The following RAP1GDS1 variants were observed in gnomAD, a reference collection of about 807,000 sequenced individuals.
RAP1GDS1 encodes RAP1, GTP-GDP dissociation stimulator 1.
A neutral mutation model predicts 71.1 loss-of-function variants in RAP1GDS1; 35 were observed. The observed-to-expected ratio is 0.49, with a 90% CI of 0.38 to 0.65. RAP1GDS1 has a LOEUF of 0.65. RAP1GDS1 is among the 30% of genes least tolerant of loss of function. The pLI is 0.00. For missense variants in RAP1GDS1, 663 were observed against 706.1 expected (o/e 0.94, Z 0.69); for synonymous variants, 229 against 243.1 (o/e 0.94, Z 0.54).
intron 5 of RAP1GDS1, among the ~76,000 whole-genome samples, chr4:98,382,359 AT>A (rs1257326890): frequency 2.6e-5 from 4 of 151,638 alleles, no homozygotes; most frequent in Admixed American, 2.0e-4. Flanking sequence ...TTTGGAAAAA[AT>A]ATACATGTTT....
chr4:98,441,299 C>T lies in RAP1GDS1; in HGVS notation c.1697-691C>T, dbSNP rs1193642808. On this transcript the variant is annotated intron_variant, in intron 14 of 14. Coordinates refer to ENST00000408927, the MANE Select transcript of RAP1GDS1 (RefSeq NM_001100427.2). ...CAGTTCTCAGAGTCCTAACAGGAATCCTATATTTTCTTGTAATTGAAGTTA... is the reference window on the plus strand; with the variant it reads ...CAGTTCTCAGAGTCCTAACAGGAATTCTATATTTTCTTGTAATTGAAGTTA... 1.1e-5 allele frequency: 11 copies of T among 959,822 alleles called. No individual in the cohort carries two copies. The African/African-American group carries it at 1.9e-4, about 17-fold the overall frequency. The allele number at this position is 959,822 out of a possible 1,614,324, so 59.5% of individuals were successfully genotyped here.
rs79163969 is a variant in RAP1GDS1, at chr4:98,440,243, T to C, written c.1697-1747T>C. 7.3e-3 allele frequency among the ~76,000 whole-genome samples: 1,117 copies of C among 152,320 alleles called. 19 individuals carry two copies. The highest frequency in any genetic ancestry group is 0.026 in the African/African-American group (1,076 of 41,570). The stretch of plus-strand genomic sequence containing the variant: ...TATCCATTCATCAATCCATGGACAT[T>C]TGGGCCATTTCCACCTTTTGGCTTT... On this transcript the variant is annotated intron_variant, in intron 14 of 14. Coordinates refer to ENST00000408927, the MANE Select transcript of RAP1GDS1 (RefSeq NM_001100427.2).
Position 98,329,510 on chromosome 4 carries a change from C to T in RAP1GDS1, c.113-13629C>T, listed in dbSNP as rs924995844. ...CTGCATTTAAAAGGACCCATTAGGG[C>T]AAGGTGTGGTGGCTCATGCCTGTAA... is the stretch of plus-strand genomic sequence containing the variant. On this transcript the variant is annotated intron_variant, in intron 2 of 14. Transcript: ENST00000408927. Among the ~76,000 whole-genome samples the T allele has an allele frequency of 8.5e-5, 13 of 152,132 alleles. No individual in the cohort carries two copies. In the South Asian group the frequency reaches 1.4e-3, roughly 17 times the overall value.
At chr4:98,279,821 A>G (rs567475615) in intron 1 of RAP1GDS1, among the ~76,000 whole-genome samples, 3 of 151,918 alleles carry the variant, frequency 2.0e-5, no homozygotes, top group Non-Finnish European at 2.9e-5. Context: ...AAGTGTTCTC[A>G]TTGTTCAGTT....
intron 2 of RAP1GDS1, chr4:98,297,066 C>G (rs1291003147): frequency 1.2e-5 from 2 of 166,832 alleles, no homozygotes; most frequent in Non-Finnish European, 2.6e-5. Context: ...GATGGCAATT[C>G]CCATTTCATA....
chr4:98,275,642 A>G (rs960389463), intron 1 of RAP1GDS1, among the ~76,000 whole-genome samples: 16 of 152,152 alleles, frequency 1.1e-4, no homozygotes, highest in East Asian at 1.9e-4. Flanking sequence ...TACGTAGGCA[A>G]TGGGCTGTAG....
At position 98,360,534 on chromosome 4, in the gene RAP1GDS1, T is replaced by C. The variant is rs531144825; in HGVS notation, c.361+7933T>C. On this transcript the variant is annotated intron_variant, in intron 4 of 14. Coordinates refer to ENST00000408927, the MANE Select transcript of RAP1GDS1 (RefSeq NM_001100427.2). ...ACCTTTACCACTCTCATTTCACCTGTTAAAGTCAAAGTTTAGATATGTGAA... is the reference window on the plus strand; with the variant it reads ...ACCTTTACCACTCTCATTTCACCTGCTAAAGTCAAAGTTTAGATATGTGAA... Among the ~76,000 whole-genome samples the C allele has an allele frequency of 5.9e-5, 9 of 152,326 alleles. No individual in the cohort carries two copies. The South Asian group carries it at 1.9e-3, about 32-fold the overall frequency.
rs1244752638 is a variant in RAP1GDS1 at position 98,404,586 on chromosome 4, T to C, written c.747T>C (p.Ala249=). 1 of 1,601,084 alleles carries C rather than the reference T, an allele frequency of 6.2e-7. No homozygotes were observed. The highest frequency in any genetic ancestry group is 8.5e-7 in the Non-Finnish European group (1 of 1,175,636). The change falls in exon 7 of 15, where the codon GCT becomes GCC. Residue 249 remains alanine (A), a synonymous_variant. Transcript: ENST00000408927. Reference sequence around the variant, plus strand: ...GAGAAATGATTTTTGAAGTTCTTGCTCCATTGGCAGAAAATGGTGAGAAAC... The same window carrying C: ...GAGAAATGATTTTTGAAGTTCTTGCCCCATTGGCAGAAAATGGTGAGAAAC... ...DKREMIFEVL[A]PLAENDAIKL...
chr4:98,435,988 G>A (rs575690143), intron 13 of RAP1GDS1, among the ~76,000 whole-genome samples: 5 of 151,358 alleles, frequency 3.3e-5, no homozygotes, highest in South Asian at 4.2e-4. Context: ...GGAGAATGGC[G>A]TGAACCCAGG....
intron 2 of RAP1GDS1, among the ~76,000 whole-genome samples, chr4:98,333,341 G>C (rs1734264374): frequency 6.6e-6 from 1 of 151,822 alleles, no homozygotes; most frequent in Non-Finnish European, 1.5e-5. Flanking sequence ...AATTTTTAGT[G>C]AAAACATAGG....
chr4:98,423,577 T>C (rs1380239559), intron 12 of RAP1GDS1, among the ~76,000 whole-genome samples: 1 of 152,078 alleles, frequency 6.6e-6, no homozygotes, highest in Non-Finnish European at 1.5e-5. Flanking sequence ...AGAGTTTCGC[T>C]CTTGTTGCCC....
chr4:98,395,139 A>C (rs1477077021), intron 6 of RAP1GDS1, among the ~76,000 whole-genome samples: 1 of 152,108 alleles, frequency 6.6e-6, no homozygotes, highest in Non-Finnish European at 1.5e-5. Context: ...ATTCTTTTTA[A>C]AAGAGAACTT....
At chr4:98,283,817 A>ATTT (rs10582639) in intron 1 of RAP1GDS1, among the ~76,000 whole-genome samples, 9 of 133,968 alleles carry the variant, frequency 6.7e-5, no homozygotes, top group East Asian at 2.2e-4. Context: ...TTTCATTGTG[A>ATTT]TTTTTTTTTT....
chr4:98,286,729 A>G (rs1339238879), intron 1 of RAP1GDS1, among the ~76,000 whole-genome samples: 1 of 151,968 alleles, frequency 6.6e-6, no homozygotes, highest in African/African-American at 2.4e-5. Context: ...TACTAAAAAT[A>G]CAAAAAATTA....
chr4:98,346,255 G>A (rs867593834), intron 3 of RAP1GDS1, among the ~76,000 whole-genome samples: 20 of 151,974 alleles, frequency 1.3e-4, no homozygotes, highest in African/African-American at 3.4e-4. Context: ...CAAAACTTCC[G>A]CCTGAGTGCT....
chr4:98,351,544 A>T (rs756014044), intron 3 of RAP1GDS1, among the ~76,000 whole-genome samples: 5 of 152,156 alleles, frequency 3.3e-5, no homozygotes, highest in Non-Finnish European at 5.9e-5. Flanking sequence ...CAGGTTATAG[A>T]TGGATAAATT....
At position 98,442,168 on chromosome 4, in the gene RAP1GDS1, C is replaced by G; in HGVS notation, c.*51C>G. 1.3e-6 allele frequency: 2 copies of G among 1,594,682 alleles called. No individual in the cohort carries two copies. Among genetic ancestry groups the G allele is most frequent in the Non-Finnish European group, 8.5e-7 (1 of 1,173,042 alleles). ...CCATCTCTAATTTCCCCTCTGTCCT[C>G]CATCCAGCGGCTTCTTCCGCTTCAT... is the stretch of plus-strand genomic sequence containing the variant. On this transcript the variant is annotated 3_prime_UTR_variant, in exon 15 of 15. Transcript: ENST00000408927.
intron 5 of RAP1GDS1, among the ~76,000 whole-genome samples, chr4:98,389,516 A>G (rs1021082848): frequency 6.6e-6 from 1 of 152,142 alleles, no homozygotes; most frequent in South Asian, 2.1e-4. Context: ...TTTGTGTGGT[A>G]TGTGTGTTGT....
chr4:98,295,017 TC>T, intron 2 of RAP1GDS1, among the ~76,000 whole-genome samples: 1 of 152,042 alleles, frequency 6.6e-6, no homozygotes, highest in Non-Finnish European at 1.5e-5. Flanking sequence ...ACATGAAGGG[TC>T]ATATTCTTGG....
Sources: gnomAD v4.1 joint callset for allele counts (sites outside exome capture counted in the v4.1 genomes callset) on GRCh38, gnomAD v4.1.1 for gene constraint, MANE v1.5 for transcripts, NCBI Gene and HGNC (gene_info 2026-07-23, HGNC 2026-07-21) for gene names.